THRB: variants seen among roughly 807,000 people sequenced by gnomAD.
THRB encodes the protein thyroid hormone receptor beta, also known as nuclear receptor subfamily 1 group A member 2.
THRB carries 12 observed loss-of-function variants against 47.8 expected under a neutral mutation model. That is an observed-to-expected ratio of 0.25 (90% CI 0.16 to 0.41). THRB has a LOEUF of 0.41. THRB is among the 10% of genes least tolerant of loss of function. The pLI is 1.00. For synonymous variants in THRB, 218 were observed against 212.2 expected, an observed-to-expected ratio of 1.03 and a Z score of -0.24; for missense variants, 348 against 589.2, an observed-to-expected ratio of 0.59 and a Z score of 4.24.
Position 24,135,820 on chromosome 3 carries a change from CATATAT to C in THRB, c.739-2364_739-2359del, listed in dbSNP as rs34338818. Among the ~76,000 whole-genome samples, 197 of 98,464 alleles carry C rather than the reference CATATAT, an allele frequency of 2.0e-3. 3 individuals carry two copies. In the East Asian group the frequency reaches 0.051, roughly 25 times the overall value. 64.6% of individuals were successfully genotyped at this position (98,464 alleles called of 152,430 possible). A position where few individuals can be genotyped will look rare whatever the true frequency, so the allele number is the denominator to read the frequency against. On this transcript the variant is annotated intron_variant, in intron 8 of 10. Transcript: ENST00000646209. ...GCACACATTCAAAAAGGCAGAGAGT[CATATAT>C]ATATATATATATATATATATAATAC...
At chr3:24,153,572 A>T (rs757483489) in intron 5 of THRB, among the ~76,000 whole-genome samples, 4 of 152,216 alleles carry the variant, frequency 2.6e-5, no homozygotes, top group Non-Finnish European at 5.9e-5. Flanking sequence ...TCCTTGACTC[A>T]GGAAGCTAAA....
chr3:24,216,380 C>G (rs977598746), intron 4 of THRB, among the ~76,000 whole-genome samples: 2 of 152,094 alleles, frequency 1.3e-5, no homozygotes. Context: ...CCAAGGCAGC[C>G]AGATCACGAG....
intron 4 of THRB, among the ~76,000 whole-genome samples, chr3:24,204,767 C>T (rs891413156): frequency 3.3e-5 from 5 of 152,134 alleles, no homozygotes; most frequent in Admixed American, 3.3e-4. Context: ...AAAGATTAGA[C>T]GAATGGCTAA....
At chr3:24,303,310 CA>C (rs1424281362) in intron 2 of THRB, among the ~76,000 whole-genome samples, 1 of 152,166 alleles carries the variant, frequency 6.6e-6, no homozygotes, top group African/African-American at 2.4e-5. Flanking sequence ...GTGTTTGGGC[CA>C]AAGGGTGGTC....
chr3:24,146,875 G>T, intron 6 of THRB, 53 bp from the exon 7 acceptor site: 1 of 1,566,758 alleles, frequency 6.4e-7, no homozygotes, highest in East Asian at 2.2e-5. Context: ...CTTGAAATCA[G>T]TGATTCTGGA....
intron 1 of THRB, among the ~76,000 whole-genome samples, chr3:24,375,868 G>T (rs2065251445): frequency 6.6e-6 from 1 of 151,840 alleles, no homozygotes; most frequent in South Asian, 2.1e-4. Context: ...CTACAAAATT[G>T]TTTCAACAGA....
At chr3:24,479,178 T>C (rs1455724568) in intron 1 of THRB, among the ~76,000 whole-genome samples, 1 of 151,978 alleles carries the variant, frequency 6.6e-6, no homozygotes, top group African/African-American at 2.4e-5. Context: ...GGTGGGCGCC[T>C]GTAGTCCCAG....
chr3:24,368,526 G>A (rs908288482), intron 1 of THRB, among the ~76,000 whole-genome samples: 3 of 152,190 alleles, frequency 2.0e-5, no homozygotes, highest in African/African-American at 7.2e-5. Context: ...AAGAGGAGAT[G>A]GAAAGGTTGA....
intron 9 of THRB, among the ~76,000 whole-genome samples, chr3:24,128,302 T>G (rs551616619): frequency 6.6e-6 from 1 of 152,248 alleles, no homozygotes; most frequent in Non-Finnish European, 1.5e-5. Context: ...CCCAGAGATA[T>G]AAGCTTCATC....
intron 1 of THRB, among the ~76,000 whole-genome samples, chr3:24,404,938 A>G (rs990920992): frequency 9.2e-5 from 14 of 151,950 alleles, no homozygotes; most frequent in Non-Finnish European, 1.0e-4. Flanking sequence ...GAGGCTATGC[A>G]TTAGTCTATA....
At chr3:24,476,090 C>G (rs532853806) in intron 1 of THRB, among the ~76,000 whole-genome samples, 7 of 152,320 alleles carry the variant, frequency 4.6e-5, no homozygotes, top group African/African-American at 7.2e-5. Flanking sequence ...AACTCATTGT[C>G]TGGCACAGAT....
Position 24,119,899 on chromosome 3 carries a change from C to G in THRB, c.*2985G>C, listed in dbSNP as rs1335998996. ...CATACACTCACACGCACACACGCCC[C>G]ACACCGCTCATCCCTAAAAGGGAAG... On this transcript the variant is annotated 3_prime_UTR_variant, in exon 11 of 11. Transcript: ENST00000646209. 6.6e-6 allele frequency: 1 copy of G among 152,286 alleles called. No homozygotes were observed. The highest frequency in any genetic ancestry group is 1.5e-5 in the Non-Finnish European group (1 of 68,084). The allele number at this position is 152,286 out of a possible 1,614,324, so 9.4% of individuals were successfully genotyped here.
intron 3 of THRB, among the ~76,000 whole-genome samples, chr3:24,276,253 G>C (rs773377929): frequency 5.9e-5 from 9 of 152,128 alleles, no homozygotes; most frequent in Non-Finnish European, 1.2e-4. Context: ...ACAATTGGTT[G>C]ACGTATGAAC....
At chr3:24,360,175 T>C (rs2063964240) in intron 1 of THRB, among the ~76,000 whole-genome samples, 1 of 152,160 alleles carries the variant, frequency 6.6e-6, no homozygotes, top group Non-Finnish European at 1.5e-5. Flanking sequence ...TGCCAGGTGC[T>C]TTACACATGT....
chr3:24,422,331 C>T (rs945333887), intron 1 of THRB, among the ~76,000 whole-genome samples: 1 of 151,862 alleles, frequency 6.6e-6, no homozygotes, highest in Non-Finnish European at 1.5e-5. Context: ...GTCATCTGGA[C>T]TTGGGACATG....
intron 3 of THRB, among the ~76,000 whole-genome samples, chr3:24,268,865 T>C (rs1423014611): frequency 6.7e-6 from 1 of 148,494 alleles, no homozygotes; most frequent in Non-Finnish European, 1.5e-5. Flanking sequence ...GCAATATACA[T>C]TATTATATTT....
intron 1 of THRB, among the ~76,000 whole-genome samples, chr3:24,388,672 A>C (rs942532430): frequency 7.9e-5 from 12 of 152,128 alleles, no homozygotes; most frequent in African/African-American, 2.9e-4. Context: ...CTCACTGGCT[A>C]CACTGTGTGA....
At chr3:24,135,838 TA>T (rs1337272335) in intron 8 of THRB, among the ~76,000 whole-genome samples, 12 of 120,310 alleles carry the variant, frequency 1.0e-4, no homozygotes, top group African/African-American at 3.8e-4. Context: ...TATATATATA[TA>T]TATATATAAT....
intron 5 of THRB, among the ~76,000 whole-genome samples, chr3:24,182,640 A>C (rs1408734139): frequency 6.6e-6 from 1 of 152,194 alleles, no homozygotes; most frequent in African/African-American, 2.4e-5. Context: ...TTGAGCACTC[A>C]CTGTGTCCCA....
Sources: gnomAD v4.1 joint callset for allele counts (sites outside exome capture counted in the v4.1 genomes callset) on GRCh38, gnomAD v4.1.1 for gene constraint, MANE v1.5 for transcripts, NCBI Gene and HGNC (gene_info 2026-07-23, HGNC 2026-07-21) for gene names.